SLC16A2: variants seen among roughly 807,000 people sequenced by gnomAD.
The protein encoded by SLC16A2 is monocarboxylate transporter 8.
SLC16A2 carries 3 observed loss-of-function variants against 27.2 expected under a neutral mutation model. The observed-to-expected ratio is 0.11, with a 90% CI of 0.05 to 0.28. The LOEUF (loss-of-function observed/expected upper bound fraction) is 0.28, where lower values mean the gene tolerates loss of function less well. Ranked by LOEUF, SLC16A2 falls within the 10% of genes least tolerant of loss-of-function variation. SLC16A2 has a pLI of 1.00. For missense variants in SLC16A2, 295 were observed against 458.5 expected (o/e 0.64, Z 3.26); for synonymous variants, 202 against 187.8 (o/e 1.08, Z -0.62).
At chrX:74,425,218 A>G (rs1231152112) in intron 1 of SLC16A2, among the ~76,000 whole-genome samples, 1 of 111,107 alleles carries the variant, frequency 9.0e-6, no homozygotes, top group Non-Finnish European at 1.9e-5. Flanking sequence ...CAGAAGTTAG[A>G]AGGGATATGG....
Position 74,421,894 on chromosome X carries a change from G to A in SLC16A2, c.257G>A (p.Arg86His), listed in dbSNP as rs891497471. ...EPEPTPTVET[R>H]GTARGFQPPE... ...GAGCCCACGCCTACGGTAGAGACCC[G>A]CGGCACCGCGCGCGGCTTCCAGCCT... Residue 86 changes from arginine to histidine, a missense_variant, in exon 1 of 6, where the codon CGC (arginine) becomes CAC (histidine). Around this residue, in one of 3 missense-constraint regions of SLC16A2, gnomAD observed 92 missense variants for 85.1 expected, o/e 1.08. Transcript: ENST00000587091. The A allele has an allele frequency of 4.1e-6, 5 of 1,208,912 alleles. No individual in the cohort carries two copies. In the Admixed American group the frequency reaches 8.7e-5, roughly 21 times the overall value.
At chrX:74,433,217 T>A (rs188041824) in intron 1 of SLC16A2, among the ~76,000 whole-genome samples, 1,912 of 110,069 alleles carry the variant, frequency 0.017, 41 homozygotes, top group African/African-American at 0.061. Flanking sequence ...ACCAAAAATA[T>A]AAAAATTAGC....
chrX:74,483,356 G>C (rs1417665406), intron 1 of SLC16A2, among the ~76,000 whole-genome samples: 1 of 111,148 alleles, frequency 9.0e-6, no homozygotes, highest in Non-Finnish European at 1.9e-5. Context: ...TTAAAATTGG[G>C]TCTTCTCAAG....
chrX:74,428,319 C>G (rs779246416), intron 1 of SLC16A2, among the ~76,000 whole-genome samples: 5 of 110,991 alleles, frequency 4.5e-5, no homozygotes, highest in Non-Finnish European at 7.6e-5. Context: ...GAAGTGCAGC[C>G]TCTTCACCCT....
At chrX:74,493,038 T>G (rs1326712807) in intron 1 of SLC16A2, among the ~76,000 whole-genome samples, 1 of 111,967 alleles carries the variant, frequency 8.9e-6, no homozygotes, top group Non-Finnish European at 1.9e-5. Context: ...AAAGCTGATC[T>G]CTGGGGCAGC....
chrX:74,520,278 G>T (rs1213695483), intron 1 of SLC16A2, among the ~76,000 whole-genome samples: 1 of 111,491 alleles, frequency 9.0e-6, no homozygotes, highest in Non-Finnish European at 1.9e-5. Context: ...GGCTCAAGAT[G>T]AAACTTGATA....
chrX:74,433,151 C>T (rs1460883469), intron 1 of SLC16A2, among the ~76,000 whole-genome samples: 2 of 111,313 alleles, frequency 1.8e-5, no homozygotes, highest in Non-Finnish European at 3.8e-5. Context: ...GTGGGTGGAT[C>T]ACTTGAGGTC....
At chrX:74,516,887 T>C (rs1349325649) in intron 1 of SLC16A2, among the ~76,000 whole-genome samples, 4 of 111,991 alleles carry the variant, frequency 3.6e-5, no homozygotes, top group Admixed American at 9.5e-5. Flanking sequence ...GAAACTCACT[T>C]CAAATATGTA....
intron 1 of SLC16A2, among the ~76,000 whole-genome samples, chrX:74,426,934 A>G (rs965481755): frequency 1.8e-5 from 2 of 111,447 alleles, no homozygotes; most frequent in Non-Finnish European, 1.9e-5. Context: ...AAAATTACCC[A>G]ATCCTTTTTA....
At chrX:74,457,474 T>G (rs1012437648) in intron 1 of SLC16A2, among the ~76,000 whole-genome samples, 1 of 111,614 alleles carries the variant, frequency 9.0e-6, no homozygotes, top group Non-Finnish European at 1.9e-5. Flanking sequence ...CGTAGGATTC[T>G]GAAAGTATGA....
intron 1 of SLC16A2, chrX:74,477,166 T>C (rs969168988): frequency 1.7e-4 from 19 of 112,200 alleles, no homozygotes; most frequent in African/African-American, 6.2e-4. Context: ...AGCCTGTTAT[T>C]GGTCTATTCA....
chrX:74,476,669 TGA>T (rs1201279239), intron 1 of SLC16A2, among the ~76,000 whole-genome samples: 98 of 112,209 alleles, frequency 8.7e-4, no homozygotes, highest in Non-Finnish European at 1.6e-3. Context: ...CCTAATTTCT[TGA>T]GAGTTTTTAG....
intron 1 of SLC16A2, among the ~76,000 whole-genome samples, chrX:74,451,063 C>A (rs376962913): frequency 7.3e-4 from 82 of 111,767 alleles, no homozygotes; most frequent in African/African-American, 2.5e-3. Flanking sequence ...GGGTAAAACA[C>A]ATGAACTTTA....
chrX:74,485,252 A>T (rs765530053), intron 1 of SLC16A2, among the ~76,000 whole-genome samples: 39 of 109,960 alleles, frequency 3.5e-4, no homozygotes, highest in African/African-American at 1.3e-3. Flanking sequence ...AAAAGCCAAC[A>T]AACAAAAAAA....
intron 1 of SLC16A2, among the ~76,000 whole-genome samples, chrX:74,425,309 T>C (rs1320254887): frequency 9.0e-6 from 1 of 111,577 alleles, no homozygotes; most frequent in Non-Finnish European, 1.9e-5. Flanking sequence ...TCACCAGCTG[T>C]ATATCTTATC....
chrX:74,521,714 G>A (rs974395612), intron 2 of SLC16A2, among the ~76,000 whole-genome samples: 3 of 112,182 alleles, frequency 2.7e-5, no homozygotes, highest in African/African-American at 9.7e-5. Flanking sequence ...TTTCCAGATA[G>A]CTCAGGCTGC....
At chrX:74,486,060 CCAAT>C (rs775333666) in intron 1 of SLC16A2, among the ~76,000 whole-genome samples, 7 of 112,004 alleles carry the variant, frequency 6.2e-5, no homozygotes, top group Non-Finnish European at 1.3e-4. Context: ...GGTTTATATC[CCAAT>C]CATTGTCCCT....
intron 1 of SLC16A2, among the ~76,000 whole-genome samples, chrX:74,491,900 C>G (rs1346966409): frequency 8.9e-6 from 1 of 112,295 alleles, no homozygotes; most frequent in Non-Finnish European, 1.9e-5. Flanking sequence ...CATTCTGGAA[C>G]TGGAAGCCTC....
At chrX:74,463,096 T>C (rs1569289041) in intron 1 of SLC16A2, among the ~76,000 whole-genome samples, 1 of 111,099 alleles carries the variant, frequency 9.0e-6, no homozygotes, top group Non-Finnish European at 1.9e-5. Flanking sequence ...ATTCTTCAGA[T>C]TTTTCCAGGG....
Sources: allele counts gnomAD v4.1 joint callset (sites outside exome capture counted in the v4.1 genomes callset), GRCh38; gene constraint gnomAD v4.1.1; regional missense constraint gnomAD v4.1.1; transcripts MANE v1.5; gene names NCBI Gene and HGNC (gene_info 2026-07-23, HGNC 2026-07-21).